Variants in DTX2 observed in about 807,000 individuals in gnomAD.
DTX2 encodes deltex E3 ubiquitin ligase 2.
In DTX2, 29 loss-of-function variants were observed where a neutral mutation model predicts 55.3. The observed-to-expected ratio is 0.52, with a 90% CI of 0.39 to 0.71. The LOEUF (loss-of-function observed/expected upper bound fraction) is 0.71. Ranked by LOEUF, DTX2 falls within the 30% of genes least tolerant of loss-of-function variation. DTX2 has a pLI of 0.00. For missense variants in DTX2, 537 were observed against 822.5 expected (o/e 0.65, Z 4.25); for synonymous variants, 276 against 340.4 (o/e 0.81, Z 2.08).
In DTX2 at chr7:76,483,011, G is replaced by T. The variant is rs1809477230; in HGVS notation, c.772G>T (p.Ala258Ser). ...NKPSLSGARS[A>S]PRLNTTNAWG... ...ACCCTCACTCTCCGGGGCCCGGTCT[G>T]CGCCCAGGCTGAACACCACCAACGC... Residue 258 changes from alanine to serine, a missense_variant, in exon 4 of 11, where the codon GCG (alanine) becomes TCG (serine). Ala to Ser is a moderately conservative substitution (Grantham distance 99). Coordinates refer to ENST00000430490, the MANE Select transcript of DTX2 (RefSeq NM_001102594.3). 1 of 1,613,434 alleles carries T rather than the reference G, an allele frequency of 6.2e-7. No individual in the cohort carries two copies.
intron 2 of DTX2, among the ~76,000 whole-genome samples, chr7:76,475,297 A>G (rs1271842188): frequency 6.6e-6 from 1 of 152,164 alleles, no homozygotes; most frequent in Admixed American, 6.6e-5. Flanking sequence ...GGCAACAAGA[A>G]TGAAACTCTG....
chr7:76,504,709 C>T (rs1345312595), intron 10 of DTX2, among the ~76,000 whole-genome samples: 1 of 152,210 alleles, frequency 6.6e-6, no homozygotes, highest in Non-Finnish European at 1.5e-5. Flanking sequence ...GTGTGACAGG[C>T]AGGGACCGGG....
intron 6 of DTX2, chr7:76,499,957 G>A (rs1478242758): frequency 5.7e-6 from 2 of 351,466 alleles, no homozygotes; most frequent in Non-Finnish European, 1.1e-5. Context: ...GGCGGTCGGC[G>A]TGTGTGCAGC....
At position 76,502,314 on chromosome 7, in the gene DTX2, T is replaced by C. The variant is rs1554640704; in HGVS notation, c.1247T>C (p.Met416Thr). 1.9e-6 allele frequency: 3 copies of C among 1,606,328 alleles called. No homozygotes were observed. Among genetic ancestry groups the C allele is most frequent in the South Asian group, 2.2e-5 (2 of 90,400 alleles). The change falls in exon 8 of 11, where the codon ATG (methionine) becomes ACG (threonine). Residue 416 changes from methionine to threonine, a missense_variant. Physicochemically the swap from Met to Thr is moderately conservative, Grantham distance 81. Transcript: ENST00000430490. The part of the protein sequence containing the change: ...VPPDEDCIIC[M>T]EKLSTASGYS... The stretch of plus-strand genomic sequence containing the variant: ...CTCCTCCAGGACTGCATCATCTGCA[T>C]GGAGAAGCTGTCCACAGCGTCTGGA...
intron 3 of DTX2, among the ~76,000 whole-genome samples, chr7:76,482,069 G>A (rs2259255): frequency 5.3e-5 from 8 of 152,256 alleles, no homozygotes; most frequent in East Asian, 1.9e-4. Flanking sequence ...CTCCCAAGTC[G>A]TTGCCTTCAC....
rs1319878125 is a variant in DTX2, at chr7:76,505,417, T to G, written c.1685T>G (p.Phe562Cys). The change falls in exon 11 of 11, where the codon TTC becomes TGC. Residue 562 changes from phenylalanine to cysteine, a missense_variant. Phe to Cys is a radical substitution (Grantham distance 205). Around this residue, in one of 7 missense-constraint regions of DTX2, gnomAD observed 33 missense variants for 48.4 expected, o/e 0.68. Coordinates refer to ENST00000430490, the MANE Select transcript of DTX2 (RefSeq NM_001102594.3). This position sits in a 1 kb window ranked among gnomAD's most constrained non-coding sequence, Gnocchi z 4.4. ...GTGGCCTGGAAGAGGCGGCTCATCT[T>G]CACAGTGGGCACGTCCAGCACCACG... ...LKVAWKRRLI[F>C]TVGTSSTTGE... is the part of the protein sequence containing the mutation. 6.3e-7 allele frequency: 1 copy of G among 1,596,094 alleles called. No individual in the cohort carries two copies. The highest frequency in any genetic ancestry group is 8.5e-7 in the Non-Finnish European group (1 of 1,171,946).
In DTX2 at chr7:76,505,699, G is replaced by T. The variant is rs761833509; in HGVS notation, c.*98G>T. 1.1e-3 allele frequency: 1,469 copies of T among 1,313,826 alleles called. 6 individuals carry two copies. The highest frequency in any genetic ancestry group is 1.4e-3 in the Non-Finnish European group (1,368 of 960,060). 81.4% of individuals were successfully genotyped at this position (1,313,826 alleles called of 1,614,324 possible). ...AGTGCCCAGCCCGAGAGGCTGGGAG[G>T]TTTGTTGAGGGTGTGGGGTGTGCCC... On this transcript the variant is annotated 3_prime_UTR_variant, in exon 11 of 11. Transcript: ENST00000430490. The surrounding 1 kb of genome is among the most constrained non-coding windows in gnomAD (Gnocchi z 4.4).
chr7:76,498,217 G>A (rs1193850485), intron 6 of DTX2, among the ~76,000 whole-genome samples: 1 of 151,582 alleles, frequency 6.6e-6, no homozygotes, highest in African/African-American at 2.4e-5. Flanking sequence ...CGGAGCCTCC[G>A]CTTAGCAGAG....
In DTX2 at chr7:76,482,570, G is replaced by A. The variant is rs747694774; in HGVS notation, c.331G>A (p.Val111Ile). The A allele has an allele frequency of 1.2e-5, 19 of 1,613,386 alleles. No homozygotes were observed. The highest frequency in any genetic ancestry group is 5.5e-5 in the South Asian group (5 of 91,070). The change falls in exon 4 of 11, where the codon GTC becomes ATC. Residue 111 changes from valine to isoleucine, a missense_variant. Val to Ile is a conservative substitution (Grantham distance 29). Around this residue, in one of 7 missense-constraint regions of DTX2, gnomAD observed 301 missense variants for 396.6 expected, o/e 0.76. Transcript: ENST00000430490. ...GCACTCAGCCCCTGGCCGAGGTGTC[G>A]TCTGGGAGTGGCTGAGCGACGATGG... ...PQHSAPGRGV[V>I]WEWLSDDGSW...
rs189752116 is a variant in DTX2, at chr7:76,466,980, C to T, written c.-90+3271C>T. Reference sequence around the variant, plus strand: ...CAGTGGCATAATCACGGATCACTGCCGCCCCAAATTCCTGGGTTCAATGGA... The same window carrying T: ...CAGTGGCATAATCACGGATCACTGCTGCCCCAAATTCCTGGGTTCAATGGA... On this transcript the variant is annotated intron_variant, in intron 2 of 10. Transcript: ENST00000430490. Among the ~76,000 whole-genome samples, 367 of 152,044 alleles carry T rather than the reference C, an allele frequency of 2.4e-3. 3 individuals carry two copies. Among genetic ancestry groups the T allele is most frequent in the Middle Eastern group, 0.017 (5 of 294 alleles).
intron 2 of DTX2, among the ~76,000 whole-genome samples, chr7:76,473,888 C>A: frequency 7.8e-6 from 1 of 127,636 alleles, no homozygotes; most frequent in Non-Finnish European, 1.7e-5. Flanking sequence ...ACCTCTGTGT[C>A]AAAAACAACG....
At chr7:76,481,659 G>A (rs1809232060) in intron 3 of DTX2, among the ~76,000 whole-genome samples, 1 of 152,012 alleles carries the variant, frequency 6.6e-6, no homozygotes, top group African/African-American at 2.4e-5. Flanking sequence ...AGGTGGGGGT[G>A]CTCCTGGCAT....
In DTX2 at chr7:76,475,512, C is replaced by A. The variant is rs1479556848; in HGVS notation, c.-89-4909C>A. 1.6e-3 allele frequency among the ~76,000 whole-genome samples: 234 copies of A among 143,536 alleles called. 1 individual carries two copies. Among genetic ancestry groups the A allele is most frequent in the African/African-American group, 5.6e-3 (219 of 38,890 alleles). 94.2% of individuals were successfully genotyped at this position (143,536 alleles called of 152,430 possible). On this transcript the variant is annotated intron_variant, in intron 2 of 10. Transcript: ENST00000430490. ...GACCAACCTGGCCAATGTGGCAAAA[C>A]CACATCTCTACTGAAAATACAAAAA... is the stretch of plus-strand genomic sequence containing the variant.
chr7:76,477,156 C>CTG lies in DTX2; in HGVS notation c.-89-3265_-89-3264insTG, dbSNP rs1368859429. ...CACTGAGCTGAACCATTCCGCCCGC[C>CTG]CGCCCGCCCGAGGGCACTCCAGGTC... On this transcript the variant is annotated intron_variant, in intron 2 of 10. Coordinates refer to ENST00000430490, the MANE Select transcript of DTX2 (RefSeq NM_001102594.3). 5.9e-5 allele frequency: 8 copies of CTG among 135,586 alleles called. No individual in the cohort carries two copies. In the South Asian group the frequency reaches 7.9e-4, roughly 13 times the overall value. 8.4% of individuals were successfully genotyped at this position (135,586 alleles called of 1,614,324 possible).
chr7:76,496,391 G>A lies in DTX2; in HGVS notation c.1010-946G>A, dbSNP rs1402933646. ...GTGCCCAGCTCCTGAGCCAGGTTCT[G>A]CAGACCCTGGAAGCCACCTTAAGAG... On this transcript the variant is annotated intron_variant, in intron 5 of 10. Transcript: ENST00000430490. Among the ~76,000 whole-genome samples, 2 of 84,510 alleles carry A rather than the reference G, an allele frequency of 2.4e-5. 1 individual carries two copies. The highest frequency in any genetic ancestry group is 4.7e-5 in the Non-Finnish European group (2 of 42,162). The allele number at this position is 84,510 out of a possible 152,430, so 55.4% of individuals were successfully genotyped here.
rs998818511 is a variant in DTX2, at chr7:76,505,635, A to AC, written c.*38dup. The AC allele has an allele frequency of 2.0e-6, 3 of 1,532,046 alleles. No individual in the cohort carries two copies. The highest frequency in any genetic ancestry group is 1.7e-4 in the Middle Eastern group (1 of 5,962). The allele number at this position is 1,532,046 out of a possible 1,614,324, so 94.9% of individuals were successfully genotyped here. Reference sequence around the variant, plus strand: ...CCCAGCACGCCCGCCTCTGGTGGCCACCCCGCTGCCCCATGGCTGGCTGGG... The same window carrying AC: ...CCCAGCACGCCCGCCTCTGGTGGCCACCCCCGCTGCCCCATGGCTGGCTGGG... On this transcript the variant is annotated 3_prime_UTR_variant, in exon 11 of 11. Coordinates refer to ENST00000430490, the MANE Select transcript of DTX2 (RefSeq NM_001102594.3). This position sits in a 1 kb window ranked among gnomAD's most constrained non-coding sequence, Gnocchi z 4.4.
At chr7:76,502,067 A>G (rs1435861010) in intron 7 of DTX2, 6 of 527,658 alleles carry the variant, frequency 1.1e-5, no homozygotes, top group East Asian at 3.1e-5. Context: ...TTGTATTCTT[A>G]GTAGAGATGG....
intron 2 of DTX2, among the ~76,000 whole-genome samples, chr7:76,466,566 A>T: frequency 6.7e-6 from 1 of 149,376 alleles, no homozygotes; most frequent in Non-Finnish European, 1.5e-5. Flanking sequence ...TTTATCTTAC[A>T]TGTGTATTTC....
chr7:76,505,749 C>T lies in DTX2; in HGVS notation c.*148C>T, dbSNP rs1403243654. On this transcript the variant is annotated 3_prime_UTR_variant, in exon 11 of 11. Coordinates refer to ENST00000430490, the MANE Select transcript of DTX2 (RefSeq NM_001102594.3). The surrounding 1 kb of genome is among the most constrained non-coding windows in gnomAD (Gnocchi z 4.4). ...CCACCTGAAGCCGGGGCTCCCCCTGCCTGCCTCTCTCTCCTCCTCCCCTCT... is the reference window on the plus strand; with the variant it reads ...CCACCTGAAGCCGGGGCTCCCCCTGTCTGCCTCTCTCTCCTCCTCCCCTCT... 10 of 810,362 alleles carry T rather than the reference C, an allele frequency of 1.2e-5. No homozygotes were observed. Among genetic ancestry groups the T allele is most frequent in the East Asian group, 8.0e-5 (3 of 37,410 alleles). The allele number at this position is 810,362 out of a possible 1,614,324, so 50.2% of individuals were successfully genotyped here. A position where few individuals can be genotyped will look rare whatever the true frequency, so the allele number is the denominator to read the frequency against.
Sources: gnomAD v4.1 joint callset for allele counts (sites outside exome capture counted in the v4.1 genomes callset) on GRCh38, gnomAD v4.1.1 for gene constraint, gnomAD v4.1.1 regional missense constraint, Gnocchi (gnomAD v3.1) non-coding constraint, MANE v1.5 for transcripts, NCBI Gene and HGNC (gene_info 2026-07-23, HGNC 2026-07-21) for gene names.